Variants in ADGRL2 observed in about 807,000 individuals in gnomAD.
ADGRL2 encodes adhesion G protein-coupled receptor L2, also known as calcium-independent alpha-latrotoxin receptor 2.
In ADGRL2, 44 loss-of-function variants were observed where a neutral mutation model predicts 157.4. The observed-to-expected ratio is 0.28, with a 90% CI of 0.22 to 0.36. The LOEUF (loss-of-function observed/expected upper bound fraction) is 0.36, where lower values mean the gene tolerates loss of function less well. Among genes scored for constraint, ADGRL2 ranks in the 10% least tolerant of loss-of-function variants. The pLI is 1.00. For synonymous variants in ADGRL2, 585 were observed against 624.7 expected (o/e 0.94, Z 0.95); for missense variants, 1,510 against 1,768.9 (o/e 0.85, Z 2.63).
chr1:81,361,567 C>T (rs903430525), intron 1 of ADGRL2, among the ~76,000 whole-genome samples: 1 of 151,856 alleles, frequency 6.6e-6, no homozygotes, highest in Non-Finnish European at 1.5e-5. Context: ...GGACACTCAA[C>T]AAATATTTGT....
At chr1:81,824,420 A>G (rs749748622) in intron 1 of ADGRL2, among the ~76,000 whole-genome samples, 31 of 151,970 alleles carry the variant, frequency 2.0e-4, no homozygotes, top group Middle Eastern at 3.4e-3. Context: ...AACTACAGGC[A>G]CATGCCACCA....
At chr1:81,524,469 A>G (rs1482766276) in intron 2 of ADGRL2, among the ~76,000 whole-genome samples, 1 of 152,238 alleles carries the variant, frequency 6.6e-6, no homozygotes, top group African/African-American at 2.4e-5. Flanking sequence ...ATACACATAC[A>G]TGTGAAAAAC....
intron 1 of ADGRL2, among the ~76,000 whole-genome samples, chr1:81,364,595 C>G (rs960577869): frequency 6.6e-6 from 1 of 151,954 alleles, no homozygotes; most frequent in Non-Finnish European, 1.5e-5. Context: ...AATTAATTAG[C>G]GAGAACTGAA....
intron 3 of ADGRL2, chr1:81,625,751 A>G (rs1002444166): frequency 1.6e-4 from 25 of 152,180 alleles, no homozygotes; most frequent in African/African-American, 6.0e-4. Flanking sequence ...GCTCTTACCT[A>G]GAAAGTTGAA....
chr1:81,379,406 G>A (rs1282405138), intron 1 of ADGRL2, among the ~76,000 whole-genome samples: 4 of 152,146 alleles, frequency 2.6e-5, no homozygotes, highest in Non-Finnish European at 5.9e-5. Context: ...TCGGCTCAGT[G>A]AGACCCCCTT....
chr1:81,603,126 C>T (rs577950860), intron 3 of ADGRL2, among the ~76,000 whole-genome samples: 5 of 152,198 alleles, frequency 3.3e-5, no homozygotes, highest in African/African-American at 1.2e-4. Context: ...TGTTCAATGG[C>T]TAGTCCTAAT....
chr1:81,631,806 C>G (rs955710441), intron 3 of ADGRL2, among the ~76,000 whole-genome samples: 2 of 152,076 alleles, frequency 1.3e-5, no homozygotes, highest in Non-Finnish European at 2.9e-5. Context: ...CTCACTTCCC[C>G]CTGCCTGGAC....
chr1:81,707,056 C>A (rs1312400026), intron 1 of ADGRL2, among the ~76,000 whole-genome samples: 1 of 152,106 alleles, frequency 6.6e-6, no homozygotes, highest in East Asian at 1.9e-4. Flanking sequence ...GAAAGTAGTA[C>A]AAATTTAACT....
chr1:81,719,053 G>T (rs527956340), intron 1 of ADGRL2, among the ~76,000 whole-genome samples: 5 of 152,282 alleles, frequency 3.3e-5, no homozygotes, highest in African/African-American at 1.2e-4. Context: ...AATTGAATTG[G>T]TTTTGGAAAA....
intron 3 of ADGRL2, among the ~76,000 whole-genome samples, chr1:81,639,092 C>T (rs564720140): frequency 2.2e-4 from 34 of 152,240 alleles, no homozygotes; most frequent in East Asian, 5.8e-4. Flanking sequence ...TTGTTTGAGA[C>T]GGAGTCTCAC....
chr1:81,873,948 T>C (rs576790126), intron 2 of ADGRL2, among the ~76,000 whole-genome samples: 1 of 152,202 alleles, frequency 6.6e-6, no homozygotes, highest in Non-Finnish European at 1.5e-5. Context: ...TATATGTAGG[T>C]AAAAAAGATG....
At position 81,674,460 on chromosome 1, in the gene ADGRL2, AG is replaced by A. The variant is rs547510531; in HGVS notation, c.-142-87350del. ...TGACAGCCCAAACTTGCAGTCCATC[AG>A]CTAGTCAGGCATGTGCACCGGTGCG... On this transcript the variant is annotated intron_variant, in intron 3 of 24. Coordinates refer to the ADGRL2 transcript ENST00000370721. Among the ~76,000 whole-genome samples, 278 of 152,336 alleles carry A rather than the reference AG, an allele frequency of 1.8e-3. 2 individuals are homozygous for A. The highest frequency in any genetic ancestry group is 3.5e-3 in the Non-Finnish European group (237 of 68,036).
intron 19 of ADGRL2, among the ~76,000 whole-genome samples, chr1:81,982,189 TA>T (rs1381715506): frequency 6.6e-6 from 1 of 151,982 alleles, no homozygotes; most frequent in Non-Finnish European, 1.5e-5. Flanking sequence ...GGGAATGTTA[TA>T]AACTAGATAC....
intron 1 of ADGRL2, chr1:81,761,776 G>A (rs557869274): frequency 6.6e-6 from 1 of 152,008 alleles, no homozygotes; most frequent in Admixed American, 6.6e-5. Context: ...GTGGATGGAG[G>A]TATAATAAAT....
intron 2 of ADGRL2, among the ~76,000 whole-genome samples, chr1:81,791,186 A>G (rs902301572): frequency 1.3e-5 from 2 of 151,950 alleles, no homozygotes; most frequent in Non-Finnish European, 2.9e-5. Flanking sequence ...TTAAAATTTA[A>G]AATTTAAGGC....
intron 3 of ADGRL2, among the ~76,000 whole-genome samples, chr1:81,931,560 A>G (rs2095230836): frequency 6.6e-6 from 1 of 152,192 alleles, no homozygotes; most frequent in African/African-American, 2.4e-5. Context: ...GACTAGAAAA[A>G]TACTAAAAAT....
chr1:81,769,295 C>G (rs758747951), intron 2 of ADGRL2, among the ~76,000 whole-genome samples: 6 of 152,144 alleles, frequency 3.9e-5, no homozygotes, highest in Non-Finnish European at 8.8e-5. Flanking sequence ...ATTTCCCACT[C>G]AAGAAAGCAT....
At chr1:81,987,921 G>T (rs766928923) in intron 23 of ADGRL2, 35 bp downstream of exon 23, 1 of 322,804 alleles carries the variant, frequency 3.1e-6, no homozygotes, top group Non-Finnish European at 6.6e-6. Flanking sequence ...CCTATCAAAT[G>T]TAAATTTTTT....
chr1:81,310,438 A>G (rs2100544776), intron 1 of ADGRL2, among the ~76,000 whole-genome samples: 1 of 152,304 alleles, frequency 6.6e-6, no homozygotes, highest in South Asian at 2.1e-4. Flanking sequence ...AAACCCAAAC[A>G]TCATCAACAC....
Sources: allele counts gnomAD v4.1 joint callset (sites outside exome capture counted in the v4.1 genomes callset), GRCh38; gene constraint gnomAD v4.1.1; transcripts MANE v1.5; gene names NCBI Gene and HGNC (gene_info 2026-07-23, HGNC 2026-07-21).